Variants in NUSAP1 observed in about 807,000 individuals in gnomAD.
The protein encoded by NUSAP1 is nucleolar and spindle-associated protein 1.
Under a neutral mutation model 52.8 loss-of-function variants are expected in NUSAP1, and 32 were observed. That is an observed-to-expected ratio of 0.61 (90% CI 0.46 to 0.81). NUSAP1 has a LOEUF of 0.81. NUSAP1 is among the 40% of genes least tolerant of loss of function. The pLI, the probability that NUSAP1 is intolerant of heterozygous loss-of-function variation, is 0.00. For missense variants in NUSAP1, 499 were observed against 522.3 expected (o/e 0.96, Z 0.43); for synonymous variants, 195 against 183.1 (o/e 1.06, Z -0.52).
At chr15:41,334,697 T>C (rs558122085) in intron 1 of NUSAP1, among the ~76,000 whole-genome samples, 1 of 70,956 alleles carries the variant, frequency 1.4e-5, no homozygotes, top group South Asian at 5.9e-4. Context: ...CTCCTTTATC[T>C]GCCTGGCTGT....
rs1428832928 is a variant in NUSAP1 at position 41,360,378 on chromosome 15, G to A, written c.660+2120G>A. On this transcript the variant is annotated intron_variant, in intron 6 of 10. Coordinates refer to ENST00000559596, the MANE Select transcript of NUSAP1 (RefSeq NM_016359.5). Reference sequence around the variant, plus strand: ...CTTGCCCAGACTGGAGTGCAATGGCGTGATCTTGGCTCACCACAACTTCCA... The same window carrying A: ...CTTGCCCAGACTGGAGTGCAATGGCATGATCTTGGCTCACCACAACTTCCA... Among the ~76,000 whole-genome samples the A allele has an allele frequency of 3.3e-5, 5 of 151,982 alleles. 1 individual carries two copies. In the South Asian group the frequency reaches 6.2e-4, roughly 19 times the overall value.
At chr15:41,342,505 T>C in intron 2 of NUSAP1, 51 bp downstream of exon 2, 1 of 1,323,044 alleles carries the variant, frequency 7.6e-7, no homozygotes, top group Non-Finnish European at 1.1e-6. Flanking sequence ...TAATCATATT[T>C]GGTTAATGGG....
chr15:41,360,664 C>CCAGG (rs2049136711), intron 6 of NUSAP1, among the ~76,000 whole-genome samples: 2 of 151,552 alleles, frequency 1.3e-5, no homozygotes, highest in African/African-American at 4.8e-5. Flanking sequence ...ACCATGTTGG[C>CCAGG]CAGGCTGGTC....
At chr15:41,355,381 C>T (rs942369665) in intron 4 of NUSAP1, among the ~76,000 whole-genome samples, 26 of 150,680 alleles carry the variant, frequency 1.7e-4, no homozygotes, top group African/African-American at 6.1e-4. Context: ...CCATGTTGGC[C>T]AGGATGGTCT....
intron 4 of NUSAP1, among the ~76,000 whole-genome samples, 185 bp downstream of exon 4, chr15:41,351,314 C>G (rs552681844): frequency 6.6e-6 from 1 of 152,242 alleles, no homozygotes; most frequent in East Asian, 1.9e-4. Flanking sequence ...TCAGCAGGAC[C>G]ATGCTTCTCT....
chr15:41,332,881 G>C lies in NUSAP1; in HGVS notation c.-77G>C, dbSNP rs542714462. The C allele has an allele frequency of 1.0e-5, 12 of 1,149,430 alleles. No individual in the cohort carries two copies. Among genetic ancestry groups the C allele is most frequent in the Non-Finnish European group, 1.4e-5 (11 of 782,200 alleles). The allele number at this position is 1,149,430 out of a possible 1,614,324, so 71.2% of individuals were successfully genotyped here. A position where few individuals can be genotyped will look rare whatever the true frequency, so the allele number is the denominator to read the frequency against. On this transcript the variant is annotated 5_prime_UTR_variant, in exon 1 of 11. Transcript: ENST00000559596. Reference sequence around the variant, plus strand: ...AATTTCTGCCTAGTCAAAGTTAAGAGTGGCGCCAGGGATTTGAACCGCGCT... The same window carrying C: ...AATTTCTGCCTAGTCAAAGTTAAGACTGGCGCCAGGGATTTGAACCGCGCT...
chr15:41,355,711 CTG>C (rs2048941612), intron 4 of NUSAP1, among the ~76,000 whole-genome samples: 1 of 151,260 alleles, frequency 6.6e-6, no homozygotes, highest in Non-Finnish European at 1.5e-5. Context: ...GAGTCTCACT[CTG>C]TTGCCCAGGC....
At position 41,362,904 on chromosome 15, in the gene NUSAP1, C is replaced by T. The variant is rs562643743; in HGVS notation, c.661-2498C>T. ...AGGAAAAATGCTTGAAGCCCGTAGG[C>T]GGAGATTGCTGTGAGCTGAGATCGG... On this transcript the variant is annotated intron_variant, in intron 6 of 10. Coordinates refer to ENST00000559596, the MANE Select transcript of NUSAP1 (RefSeq NM_016359.5). Among the ~76,000 whole-genome samples, 260 of 152,146 alleles carry T rather than the reference C, an allele frequency of 1.7e-3. 7 individuals are homozygous for T. In the South Asian group the frequency reaches 0.053, roughly 31 times the overall value.
chr15:41,335,748 T>G (rs1249530786), intron 1 of NUSAP1, among the ~76,000 whole-genome samples: 3 of 144,494 alleles, frequency 2.1e-5, no homozygotes, highest in Non-Finnish European at 4.5e-5. Flanking sequence ...TATAATATAC[T>G]AAATATGCTA....
chr15:41,378,132 G>A (rs968660197), intron 10 of NUSAP1, among the ~76,000 whole-genome samples: 6 of 152,196 alleles, frequency 3.9e-5, no homozygotes, highest in Non-Finnish European at 7.3e-5. Flanking sequence ...TGATTCAGAA[G>A]AAGACCCAGA....
chr15:41,336,913 A>G (rs111713224), intron 1 of NUSAP1, among the ~76,000 whole-genome samples: 399 of 150,716 alleles, frequency 2.6e-3, no homozygotes, highest in Non-Finnish European at 4.2e-3. Context: ...ACTTTACCTC[A>G]TAGGTCATGG....
intron 2 of NUSAP1, among the ~76,000 whole-genome samples, chr15:41,343,664 T>C (rs1013052280): frequency 6.6e-6 from 1 of 151,732 alleles, no homozygotes; most frequent in African/African-American, 2.4e-5. Flanking sequence ...CATTTTCTTG[T>C]ATTTTTAGTA....
intron 1 of NUSAP1, among the ~76,000 whole-genome samples, chr15:41,340,572 C>T (rs2140530030): frequency 6.6e-6 from 1 of 152,304 alleles, no homozygotes; most frequent in Non-Finnish European, 1.5e-5. Context: ...TTCAGCACAA[C>T]TCTTGAACAC....
At chr15:41,355,171 A>G (rs1332633628) in intron 4 of NUSAP1, among the ~76,000 whole-genome samples, 1 of 147,026 alleles carries the variant, frequency 6.8e-6, no homozygotes, top group Non-Finnish European at 1.5e-5. Context: ...TTTTTATTTT[A>G]TGTATTTATT....
chr15:41,340,398 TTCTAGCTTTCTTGGGTAACTGTTTCACC>T (rs1310849996), intron 1 of NUSAP1, among the ~76,000 whole-genome samples: 1 of 152,192 alleles, frequency 6.6e-6, no homozygotes, highest in Non-Finnish European at 1.5e-5. Context: ...TATCATTCAT[TTCTAGCTTTCTTGGGTAACTGTTTCACC>T]TCTGCTAGAA....
At chr15:41,344,511 G>A (rs1193910925) in intron 2 of NUSAP1, among the ~76,000 whole-genome samples, 3 of 151,942 alleles carry the variant, frequency 2.0e-5, no homozygotes, top group Admixed American at 2.0e-4. Context: ...GGTGGTGGGC[G>A]CCTGTTGTCC....
chr15:41,371,804 T>G (rs898414380), intron 8 of NUSAP1, 120 bp downstream of exon 8: 1 of 1,175,580 alleles, frequency 8.5e-7, no homozygotes, highest in East Asian at 2.7e-5. Context: ...GAGTTTCGCT[T>G]TTGTCACCCA....
intron 9 of NUSAP1, 74 bp downstream of exon 9, chr15:41,375,902 C>G: frequency 1.0e-6 from 1 of 1,001,410 alleles, no homozygotes. Flanking sequence ...CTCACACCTA[C>G]TAAACATACA....
chr15:41,337,937 T>C (rs1018178487), intron 1 of NUSAP1, among the ~76,000 whole-genome samples: 10 of 141,802 alleles, frequency 7.1e-5, no homozygotes, highest in African/African-American at 2.8e-4. Flanking sequence ...TTTTCTTTTT[T>C]TTTTTTTTTT....
Sources: allele counts gnomAD v4.1 joint callset (sites outside exome capture counted in the v4.1 genomes callset), GRCh38; gene constraint gnomAD v4.1.1; transcripts MANE v1.5; gene names NCBI Gene and HGNC (gene_info 2026-07-23, HGNC 2026-07-21).